The following MEG3 variants were observed in gnomAD, a reference collection of about 807,000 sequenced individuals.
The protein encoded by MEG3 is Very putative protein from MEG3 locus.
intron 2 of MEG3, among the ~76,000 whole-genome samples, chr14:100,839,827 T>C (rs1243296137): frequency 6.6e-6 from 1 of 152,178 alleles, no homozygotes; most frequent in Non-Finnish European, 1.5e-5. Context: ...AGACCCCTTA[T>C]CTTTGCCAAG....
chr14:100,834,348 C>T (rs1475135595), exon 1 of MEG3: 7 of 250,124 alleles, frequency 2.8e-5, no homozygotes, highest in East Asian at 1.1e-4. Flanking sequence ...TTGGAAAGCC[C>T]GGAGAGGGCG....
downstream of MEG3, chr14:100,830,384 C>CGT (rs373934045): frequency 7.6e-6 from 1 of 132,184 alleles, no homozygotes; most frequent in African/African-American, 2.9e-5. Flanking sequence ...CACACACACA[C>CGT]CCCCTCGTGT....
chr14:100,860,529 G>A lies in MEG3; in HGVS notation n.3112+173G>A, dbSNP rs139428612. Among the ~76,000 whole-genome samples the A allele has an allele frequency of 1.1e-3, 168 of 152,244 alleles. 1 individual carries two copies. The highest frequency in any genetic ancestry group is 1.4e-3 in the Non-Finnish European group (97 of 68,010). ...GGCACTAGGTAGACAGGCCGAGCTGGTGGCTGGGTGCTCCCCTCACCCTCC... is the reference window on the plus strand; with the variant it reads ...GGCACTAGGTAGACAGGCCGAGCTGATGGCTGGGTGCTCCCCTCACCCTCC... On this transcript the variant is annotated intron_variant and non_coding_transcript_variant, in intron 1 of 1. Coordinates refer to the MEG3 transcript ENST00000398460.
upstream of MEG3, chr14:100,856,557 G>A (rs1160988165): frequency 6.5e-6 from 1 of 152,768 alleles, no homozygotes; most frequent in Non-Finnish European, 1.5e-5. Flanking sequence ...GTGTCCCCGG[G>A]GGTGTGCCAG....
chr14:100,856,629 T>C (rs1035988331), upstream of MEG3: 13 of 152,722 alleles, frequency 8.5e-5, no homozygotes, highest in African/African-American at 3.1e-4. Flanking sequence ...GGAGAGCATT[T>C]ATCTCTAAAC....
intron 2 of MEG3, among the ~76,000 whole-genome samples, chr14:100,839,270 G>A (rs1024824763): frequency 6.6e-6 from 1 of 152,146 alleles, no homozygotes; most frequent in Admixed American, 6.5e-5. Flanking sequence ...GCCCTGGGTC[G>A]CTGGGAGTGG....
At chr14:100,860,520 G>T (rs1416053810) in intron 1 of MEG3, among the ~76,000 whole-genome samples, 1 of 152,130 alleles carries the variant, frequency 6.6e-6, no homozygotes, top group African/African-American at 2.4e-5. Context: ...AGGTAGACAG[G>T]CCGAGCTGGT....
chr14:100,826,692 C>T (rs141744206), intron 1 of MEG3, among the ~76,000 whole-genome samples: 1 of 152,260 alleles, frequency 6.6e-6, no homozygotes, highest in East Asian at 1.9e-4. Flanking sequence ...ATATTTGCCT[C>T]GCCAGCTGTT....
downstream of MEG3, chr14:100,830,738 T>A (rs1053930014): frequency 2.0e-5 from 3 of 152,220 alleles, no homozygotes; most frequent in African/African-American, 4.8e-5. Context: ...GGAATTTCTT[T>A]CGTCCCGTTT....
At chr14:100,860,065 G>A (rs1193102913) in exon 1 of MEG3, 2 of 153,684 alleles carry the variant, frequency 1.3e-5, no homozygotes, top group East Asian at 1.9e-4. Context: ...CTCTCCTGGT[G>A]GGCCCGGACC....
intron 2 of MEG3, among the ~76,000 whole-genome samples, chr14:100,841,941 C>T (rs576511349): frequency 2.6e-5 from 4 of 152,284 alleles, no homozygotes; most frequent in South Asian, 2.1e-4. Flanking sequence ...GTGGCCCAGT[C>T]GGCTGAGAAC....
intron 3 of MEG3, chr14:100,847,855 AG>A (rs1200826995): frequency 1.3e-5 from 2 of 152,208 alleles, no homozygotes; most frequent in Non-Finnish European, 2.9e-5. Flanking sequence ...GAGTTAGGCT[AG>A]GACTTGTCAT....
At chr14:100,828,154 G>A (rs1330520431) in intron 1 of MEG3, among the ~76,000 whole-genome samples, 1 of 152,026 alleles carries the variant, frequency 6.6e-6, no homozygotes, top group Non-Finnish European at 1.5e-5. Flanking sequence ...GGCACCCCCT[G>A]TCCATCCAGG....
exon 1 of MEG3, chr14:100,835,100 C>T (rs558324428): frequency 1.8e-4 from 61 of 335,934 alleles, no homozygotes; most frequent in East Asian, 1.0e-3. Context: ...TAGAGGTAGG[C>T]CGGAGGGTGT....
At chr14:100,828,352 A>C (rs1230856308) in intron 1 of MEG3, among the ~76,000 whole-genome samples, 15 of 128,824 alleles carry the variant, frequency 1.2e-4, no homozygotes, top group African/African-American at 2.4e-4. Flanking sequence ...CCTCTCCTCC[A>C]CCTCCCATTT....
rs967411794 is a variant in MEG3, at chr14:100,845,944, C to T, written n.3121+411C>T. ...AAAGGGCCAAGGAGAAAACGCAGGCCGAGGGACCAGCCTTCCAAATGGGCT... is the reference window on the plus strand; with the variant it reads ...AAAGGGCCAAGGAGAAAACGCAGGCTGAGGGACCAGCCTTCCAAATGGGCT... On this transcript the variant is annotated intron_variant and non_coding_transcript_variant, in intron 3 of 3. Coordinates refer to the MEG3 transcript ENST00000398461. The surrounding 1 kb of genome is among the most constrained non-coding windows in gnomAD (Gnocchi z 5.2). 6 of 154,112 alleles carry T rather than the reference C, an allele frequency of 3.9e-5. No homozygotes were observed. Among genetic ancestry groups the T allele is most frequent in the South Asian group, 2.0e-4 (1 of 5,024 alleles). The allele number at this position is 154,112 out of a possible 1,614,324, so 9.5% of individuals were successfully genotyped here. A position where few individuals can be genotyped will look rare whatever the true frequency, so the allele number is the denominator to read the frequency against.
intron 3 of MEG3, chr14:100,847,650 C>T (rs1288075593): frequency 6.6e-6 from 1 of 152,092 alleles, no homozygotes; most frequent in Non-Finnish European, 1.5e-5. Context: ...CAGTGAGTAC[C>T]TAAATAGACA....
At chr14:100,831,124 CTT>C (rs1307047231), downstream of MEG3, 1 of 153,052 alleles carries the variant, frequency 6.5e-6, no homozygotes, top group African/African-American at 2.4e-5. Flanking sequence ...GTTTCTGTCA[CTT>C]TTTGCAACCG....
intron 2 of MEG3, among the ~76,000 whole-genome samples, chr14:100,841,447 G>A (rs1354119541): frequency 4.6e-5 from 7 of 152,218 alleles, no homozygotes; most frequent in African/African-American, 4.8e-5. Flanking sequence ...GTCATCTGTC[G>A]TTTGTTTGCT....
Sources: allele counts gnomAD v4.1 joint callset (sites outside exome capture counted in the v4.1 genomes callset), GRCh38; gene constraint gnomAD v4.1.1; non-coding constraint Gnocchi (gnomAD v3.1); transcripts MANE v1.5; gene names NCBI Gene and HGNC (gene_info 2026-07-23, HGNC 2026-07-21).